Variants in ATF1 observed in about 807,000 individuals in gnomAD.
ATF1 encodes the protein activating transcription factor 1, also known as cyclic AMP-dependent transcription factor ATF-1.
In ATF1, 16 loss-of-function variants were observed where a neutral mutation model predicts 34.7. The ratio of observed to expected loss-of-function variants is 0.46; its 90% CI spans 0.31 to 0.70. The LOEUF (loss-of-function observed/expected upper bound fraction) is 0.70, where lower values mean the gene tolerates loss of function less well. ATF1 is among the 30% of genes least tolerant of loss of function. The pLI is 0.05. For synonymous variants in ATF1, 105 were observed against 113.1 expected, an observed-to-expected ratio of 0.93 and a Z score of 0.46; for missense variants, 255 against 321.6, an observed-to-expected ratio of 0.79 and a Z score of 1.58.
intron 1 of ATF1, among the ~76,000 whole-genome samples, chr12:50,770,518 A>C (rs1940744072): frequency 6.6e-6 from 1 of 152,228 alleles, no homozygotes; most frequent in Admixed American, 6.5e-5. Flanking sequence ...TTGGCTTTTA[A>C]AAAAGTCTTA....
At chr12:50,804,090 T>A (rs1941567268) in intron 3 of ATF1, among the ~76,000 whole-genome samples, 1 of 152,314 alleles carries the variant, frequency 6.6e-6, no homozygotes, top group South Asian at 2.1e-4. Context: ...AATTGTTTGG[T>A]ATGTGAATTA....
At chr12:50,815,841 C>A (rs774747776) in intron 6 of ATF1, among the ~76,000 whole-genome samples, 1 of 152,160 alleles carries the variant, frequency 6.6e-6, no homozygotes, top group African/African-American at 2.4e-5. Context: ...GCACTATTCA[C>A]GCACAATAGC....
intron 1 of ATF1, among the ~76,000 whole-genome samples, chr12:50,777,796 T>A (rs1235765367): frequency 6.7e-6 from 1 of 149,326 alleles, no homozygotes; most frequent in African/African-American, 2.5e-5. Context: ...AAAAAAAATG[T>A]TTTCTGACTT....
intron 6 of ATF1, among the ~76,000 whole-genome samples, chr12:50,818,409 A>T (rs1172047814): frequency 6.6e-6 from 1 of 152,218 alleles, no homozygotes; most frequent in African/African-American, 2.4e-5. Flanking sequence ...ACCCTGTCTC[A>T]AAACAAAAGA....
Position 50,798,707 on chromosome 12 carries a change from T to G in ATF1, c.194+2698T>G, listed in dbSNP as rs142808042. Among the ~76,000 whole-genome samples, 209 of 152,286 alleles carry G rather than the reference T, an allele frequency of 1.4e-3. 2 individuals are homozygous for G. The highest frequency in any genetic ancestry group is 4.8e-3 in the African/African-American group (201 of 41,564). Reference sequence around the variant, plus strand: ...TTAAGCTTTCTGGATTGCCACAGATTAGTATAAATCAAATACGAATTCACT... The same window carrying G: ...TTAAGCTTTCTGGATTGCCACAGATGAGTATAAATCAAATACGAATTCACT... On this transcript the variant is annotated intron_variant, in intron 3 of 6. Coordinates refer to ENST00000262053, the MANE Select transcript of ATF1 (RefSeq NM_005171.5).
intron 1 of ATF1, among the ~76,000 whole-genome samples, chr12:50,773,578 C>G (rs1352244963): frequency 6.8e-6 from 1 of 146,754 alleles, no homozygotes; most frequent in Non-Finnish European, 1.5e-5. Context: ...CACAGTCACC[C>G]ACGATGCCAG....
intron 3 of ATF1, among the ~76,000 whole-genome samples, chr12:50,803,308 AAAG>A (rs1941551547): frequency 1.3e-5 from 2 of 152,026 alleles, no homozygotes; most frequent in Non-Finnish European, 1.5e-5. Context: ...AAATTTCTCC[AAAG>A]AAGATAAACA....
At chr12:50,775,233 TGTTA>T (rs1170558333) in intron 1 of ATF1, among the ~76,000 whole-genome samples, 5 of 152,052 alleles carry the variant, frequency 3.3e-5, no homozygotes, top group Non-Finnish European at 7.4e-5. Flanking sequence ...GTATGCACCC[TGTTA>T]GTTATCTTTT....
intron 2 of ATF1, among the ~76,000 whole-genome samples, chr12:50,792,979 A>G (rs1197201364): frequency 3.3e-5 from 5 of 152,120 alleles, no homozygotes; most frequent in Admixed American, 6.6e-5. Flanking sequence ...TTTTCTTTCT[A>G]CTTTTCCCAT....
chr12:50,803,341 A>G (rs762373171), intron 3 of ATF1, among the ~76,000 whole-genome samples: 17 of 152,128 alleles, frequency 1.1e-4, no homozygotes, highest in Non-Finnish European at 2.2e-4. Flanking sequence ...TAAACCTATG[A>G]AAAGTTCAAC....
intron 3 of ATF1, among the ~76,000 whole-genome samples, chr12:50,796,772 G>T (rs1371631862): frequency 1.3e-5 from 2 of 151,668 alleles, no homozygotes; most frequent in Non-Finnish European, 2.9e-5. Flanking sequence ...ATGGATAAGA[G>T]ACCTAAATGT....
At chr12:50,813,011 A>AG (rs1941768606) in intron 4 of ATF1, among the ~76,000 whole-genome samples, 2 of 152,190 alleles carry the variant, frequency 1.3e-5, no homozygotes. Context: ...GGAAAAAAAA[A>AG]TGTTTCATAA....
intron 1 of ATF1, among the ~76,000 whole-genome samples, chr12:50,776,034 T>C (rs751206420): frequency 1.1e-4 from 16 of 151,892 alleles, no homozygotes; most frequent in Non-Finnish European, 2.1e-4. Flanking sequence ...AAAATTAGGC[T>C]GGGCACGGTG....
In ATF1 at chr12:50,771,807, C is replaced by G. The variant is rs189862688; in HGVS notation, c.-7+7500C>G. Among the ~76,000 whole-genome samples the G allele has an allele frequency of 6.6e-4, 101 of 152,254 alleles. 2 individuals carry two copies. The highest frequency in any genetic ancestry group is 6.6e-3 in the Admixed American group (101 of 15,290). Reference sequence around the variant, plus strand: ...GGAGCCGGCCAAAACCCACCAAAACCAAAATGGCCACGAGAGTGACCTCTG... The same window carrying G: ...GGAGCCGGCCAAAACCCACCAAAACGAAAATGGCCACGAGAGTGACCTCTG... On this transcript the variant is annotated intron_variant, in intron 1 of 6. Transcript: ENST00000262053.
At chr12:50,788,094 T>C (rs1029092931) in intron 2 of ATF1, 5 of 392,178 alleles carry the variant, frequency 1.3e-5, no homozygotes, top group Admixed American at 9.0e-5. Context: ...AACTCAAATA[T>C]TGGAAATCAG....
intron 1 of ATF1, among the ~76,000 whole-genome samples, chr12:50,772,932 C>T (rs909620813): frequency 6.6e-6 from 1 of 152,192 alleles, no homozygotes; most frequent in East Asian, 1.9e-4. Context: ...GCACCCTCCT[C>T]CACAGGCCCC....
At chr12:50,809,684 G>A in intron 4 of ATF1, 95 bp downstream of exon 4, 3 of 1,276,354 alleles carry the variant, frequency 2.4e-6, no homozygotes, top group South Asian at 1.6e-5. Flanking sequence ...TACTTTGATA[G>A]TGATGATTAT....
At chr12:50,795,828 C>A in intron 2 of ATF1, 81 bp from the exon 3 acceptor site, 1 of 1,053,552 alleles carries the variant, frequency 9.5e-7, no homozygotes, top group Non-Finnish European at 1.4e-6. Flanking sequence ...GGAGACAGAT[C>A]ATTTTTTTCT....
intron 3 of ATF1, among the ~76,000 whole-genome samples, chr12:50,807,101 G>A (rs1941631015): frequency 6.6e-6 from 1 of 152,162 alleles, no homozygotes; most frequent in Admixed American, 6.5e-5. Flanking sequence ...AGTAGGGCAT[G>A]GATATAGAAT....
Sources: gnomAD v4.1 joint callset for allele counts (sites outside exome capture counted in the v4.1 genomes callset) on GRCh38, gnomAD v4.1.1 for gene constraint, MANE v1.5 for transcripts, NCBI Gene and HGNC (gene_info 2026-07-23, HGNC 2026-07-21) for gene names.